The following MX2 variants were observed in gnomAD, a reference collection of about 807,000 sequenced individuals.
MX2 encodes interferon-induced GTP-binding protein Mx2.
In MX2, 51 loss-of-function variants were observed where a neutral mutation model predicts 74.0. The ratio of observed to expected loss-of-function variants is 0.69; its 90% CI spans 0.55 to 0.87. MX2 has a LOEUF of 0.87. Among genes scored for constraint, MX2 ranks in the 40% least tolerant of loss-of-function variants. The pLI is 0.00. For missense variants in MX2, 832 were observed against 908.7 expected, an observed-to-expected ratio of 0.92 and a Z score of 1.09; for synonymous variants, 369 against 339.3, an observed-to-expected ratio of 1.09 and a Z score of -0.96.
chr21:41,396,131 C>T lies in MX2; in HGVS notation c.1070+346C>T, dbSNP rs563942014. On this transcript the variant is annotated intron_variant, in intron 7 of 13. Coordinates refer to ENST00000330714, the MANE Select transcript of MX2 (RefSeq NM_002463.2). ...TTTCCATGGATAAGAATAATGAGGT[C>T]AAACAAATAGTGAATGGGAACAGGA... Among the ~76,000 whole-genome samples, 212 of 152,204 alleles carry T rather than the reference C, an allele frequency of 1.4e-3. 2 individuals carry two copies. Among genetic ancestry groups the T allele is most frequent in the Non-Finnish European group, 2.3e-3 (155 of 68,004 alleles).
chr21:41,404,873 C>CAAAAAAAAAAAAAAAAAAAAAAAAAA (rs547207365), intron 12 of MX2: 1 of 69,090 alleles, frequency 1.4e-5, no homozygotes, highest in Non-Finnish European at 3.4e-5. Context: ...CACATATACT[C>CAAAAAAAAAAAAAAAAAAAAAAAAAA]AAAAAAAAAA....
At position 41,366,497 on chromosome 21, in the gene MX2, G is replaced by A. The variant is rs965353613; in HGVS notation, c.-72+4442G>A. On this transcript the variant is annotated intron_variant, in intron 1 of 13. Coordinates refer to ENST00000330714, the MANE Select transcript of MX2 (RefSeq NM_002463.2). This position sits in a 1 kb window ranked among gnomAD's most constrained non-coding sequence, Gnocchi z 4.5. ...AGTTGGAGACCAGCCTGACCAACAT[G>A]GAGAAACCTCATCTCTACTAAAAAT... 2 of 152,248 alleles carry A rather than the reference G, an allele frequency of 1.3e-5. No homozygotes were observed. Among genetic ancestry groups the A allele is most frequent in the African/African-American group, 4.8e-5 (2 of 41,470 alleles). The allele number at this position is 152,248 out of a possible 1,614,324, so 9.4% of individuals were successfully genotyped here.
intron 5 of MX2, among the ~76,000 whole-genome samples, 154 bp downstream of exon 5, chr21:41,382,718 G>C (rs2089513946): frequency 6.6e-6 from 1 of 152,204 alleles, no homozygotes; most frequent in African/African-American, 2.4e-5. Context: ...TCATGCCCAG[G>C]TTCTGACTTG....
intron 3 of MX2, among the ~76,000 whole-genome samples, chr21:41,379,574 A>C (rs2089460038): frequency 6.7e-6 from 1 of 150,178 alleles, no homozygotes; most frequent in Non-Finnish European, 1.5e-5. Flanking sequence ...GCCATCCCCC[A>C]CCCCCCACAC....
rs2089474537 is a variant in MX2 at position 41,380,464 on chromosome 21, C to G, written c.577+313C>G. On this transcript the variant is annotated intron_variant, in intron 4 of 13. Transcript: ENST00000330714. The surrounding 1 kb of genome is among the most constrained non-coding windows in gnomAD (Gnocchi z 4.3). ...CAGGCTTTCTCTACTCCACAGGGTA[C>G]TCGCCCTCTCTTCCTTCCAGGTTTC... Among the ~76,000 whole-genome samples, 1 of 152,160 alleles carries G rather than the reference C, an allele frequency of 6.6e-6. No individual in the cohort carries two copies. Among genetic ancestry groups the G allele is most frequent in the Admixed American group, 6.5e-5 (1 of 15,282 alleles).
intron 5 of MX2, among the ~76,000 whole-genome samples, chr21:41,389,262 C>A (rs992661033): frequency 4.0e-5 from 6 of 151,636 alleles, no homozygotes; most frequent in Admixed American, 3.3e-4. Flanking sequence ...TGCCTGTAAT[C>A]CCAGCACTTT....
At position 41,388,010 on chromosome 21, in the gene MX2, C is replaced by G. The variant is rs977036995; in HGVS notation, c.733-2555C>G. 6.6e-6 allele frequency among the ~76,000 whole-genome samples: 1 copy of G among 152,138 alleles called. No homozygotes were observed. The highest frequency in any genetic ancestry group is 1.5e-5 in the Non-Finnish European group (1 of 68,030). ...TCTGCTTCAAATAACACACCCAGGC[C>G]CACGTCTCCTCCCACTTCCACCAGC... On this transcript the variant is annotated intron_variant, in intron 5 of 13. Coordinates refer to ENST00000330714, the MANE Select transcript of MX2 (RefSeq NM_002463.2). The surrounding 1 kb of genome is among the most constrained non-coding windows in gnomAD (Gnocchi z 4.0).
chr21:41,394,496 G>A lies in MX2; in HGVS notation c.872-1091G>A, dbSNP rs916519712. Among the ~76,000 whole-genome samples, 12 of 152,136 alleles carry A rather than the reference G, an allele frequency of 7.9e-5. 1 individual carries two copies. Among genetic ancestry groups the A allele is most frequent in the Middle Eastern group, 3.2e-3 (1 of 316 alleles). The stretch of plus-strand genomic sequence containing the variant: ...GCTGCCCACGGTCATTTGCCAGCAC[G>A]TCACTTTATGTTAATTCTCTGCATA... On this transcript the variant is annotated intron_variant, in intron 6 of 13. Transcript: ENST00000330714.
chr21:41,402,317 C>A lies in MX2; in HGVS notation c.1573+189C>A. The A allele has an allele frequency of 1.7e-6, 1 of 601,254 alleles. No homozygotes were observed. The highest frequency in any genetic ancestry group is 2.7e-6 in the Non-Finnish European group (1 of 373,780). 37.2% of individuals were successfully genotyped at this position (601,254 alleles called of 1,614,324 possible). A position where few individuals can be genotyped will look rare whatever the true frequency, so the allele number is the denominator to read the frequency against. On this transcript the variant is annotated intron_variant, in intron 11 of 13. Coordinates refer to ENST00000330714, the MANE Select transcript of MX2 (RefSeq NM_002463.2). This position sits in a 1 kb window ranked among gnomAD's most constrained non-coding sequence, Gnocchi z 4.5. ...GGCAAGGCCTGAGAGCTGGTCAGAG[C>A]TACCGATTCTGCCCTTCTGCCTGAG...
intron 8 of MX2, among the ~76,000 whole-genome samples, chr21:41,398,008 C>A (rs2089758394): frequency 6.6e-6 from 1 of 152,038 alleles, no homozygotes; most frequent in Admixed American, 6.5e-5. Flanking sequence ...TTAATACTTC[C>A]TGGTATAAAA....
At chr21:41,395,522 T>A in intron 6 of MX2, 65 bp from the exon 7 acceptor site, 2 of 1,509,140 alleles carry the variant, frequency 1.3e-6, no homozygotes, top group Non-Finnish European at 1.8e-6. Context: ...CATAGTCCAG[T>A]AGGAGTCAAA....
Position 41,392,924 on chromosome 21 carries a change from G to A in MX2, c.871+2221G>A, listed in dbSNP as rs184601877. The stretch of plus-strand genomic sequence containing the variant: ...GTTCGAGACCACCCTGGCCAACACG[G>A]TGAAACCCCATCTCTACTAAAAATA... On this transcript the variant is annotated intron_variant, in intron 6 of 13. Transcript: ENST00000330714. 2.7e-3 allele frequency among the ~76,000 whole-genome samples: 408 copies of A among 152,064 alleles called. 3 individuals are homozygous for A. Among genetic ancestry groups the A allele is most frequent in the African/African-American group, 9.5e-3 (393 of 41,494 alleles).
In MX2 at chr21:41,366,143, A is replaced by G. The variant is rs1436096471; in HGVS notation, c.-72+4088A>G. 3 of 152,276 alleles carry G rather than the reference A, an allele frequency of 2.0e-5. No homozygotes were observed. Among genetic ancestry groups the G allele is most frequent in the African/African-American group, 7.2e-5 (3 of 41,472 alleles). 9.4% of individuals were successfully genotyped at this position (152,276 alleles called of 1,614,324 possible). ...ATTAGGTAGGTCCAAACAACTCAGT[A>G]ATAGTAGGCTGGGTGGTGTCCAACA... is the stretch of plus-strand genomic sequence containing the variant. On this transcript the variant is annotated intron_variant, in intron 1 of 13. Transcript: ENST00000330714. This position sits in a 1 kb window ranked among gnomAD's most constrained non-coding sequence, Gnocchi z 4.5.
chr21:41,380,202 T>G lies in MX2; in HGVS notation c.577+51T>G, dbSNP rs1218924446. The G allele has an allele frequency of 1.9e-5, 31 of 1,608,426 alleles. No homozygotes were observed. Among genetic ancestry groups the G allele is most frequent in the Non-Finnish European group, 2.6e-5 (31 of 1,176,574 alleles). On this transcript the variant is annotated intron_variant, in intron 4 of 13. Transcript: ENST00000330714. The surrounding 1 kb of genome is among the most constrained non-coding windows in gnomAD (Gnocchi z 4.3). Reference sequence around the variant, plus strand: ...GGATCTGGCAGCCGCTCCTCTCACTTCCTCGGTTCCTTCTCCTCTTCCTCA... The same window carrying G: ...GGATCTGGCAGCCGCTCCTCTCACTGCCTCGGTTCCTTCTCCTCTTCCTCA...
chr21:41,374,968 G>C (rs954867256), intron 1 of MX2, among the ~76,000 whole-genome samples: 2 of 152,178 alleles, frequency 1.3e-5, no homozygotes, highest in African/African-American at 4.8e-5. Flanking sequence ...CCCACATCTT[G>C]CAAGCCTTTT....
intron 10 of MX2, among the ~76,000 whole-genome samples, chr21:41,399,965 G>C (rs2089789562): frequency 3.3e-5 from 5 of 152,182 alleles, no homozygotes; most frequent in Admixed American, 3.3e-4. Flanking sequence ...TGAGTGCCTG[G>C]AGGGAAGCCT....
In MX2 at chr21:41,408,062, C is replaced by G. The variant is rs778045877; in HGVS notation, c.1977C>G (p.Asp659Glu). ...ATTTTATGCTCCGAGAGAATGGTGA[C>G]TCCTTGCAGAAAGCCATGATGCAGA... ...IQYFMLRENG[D>E]SLQKAMMQIL... is the part of the protein sequence containing the mutation. Residue 659 changes from aspartate (D) to glutamate (E), a missense_variant, in exon 14 of 14, where the codon GAC becomes GAG. Transcript: ENST00000330714. The G allele has an allele frequency of 1.2e-6, 2 of 1,614,190 alleles. No individual in the cohort carries two copies. The highest frequency in any genetic ancestry group is 1.7e-5 in the Admixed American group (1 of 60,020).
chr21:41,375,484 C>T (rs2089388683), intron 1 of MX2, among the ~76,000 whole-genome samples: 1 of 152,204 alleles, frequency 6.6e-6, no homozygotes, highest in Non-Finnish European at 1.5e-5. Context: ...TTCTGGAGGC[C>T]CCAGGGGGAA....
chr21:41,402,233 A>G lies in MX2; in HGVS notation c.1573+105A>G, dbSNP rs1049136443. The stretch of plus-strand genomic sequence containing the variant: ...GAATGGAGTTACCAAACCAGCCTGC[A>G]GACACGCTCACTGGTGTGCTAGATT... On this transcript the variant is annotated intron_variant, in intron 11 of 13. Coordinates refer to ENST00000330714, the MANE Select transcript of MX2 (RefSeq NM_002463.2). This position sits in a 1 kb window ranked among gnomAD's most constrained non-coding sequence, Gnocchi z 4.5. The G allele has an allele frequency of 1.5e-6, 2 of 1,324,332 alleles. No homozygotes were observed. The highest frequency in any genetic ancestry group is 2.4e-4 in the Middle Eastern group (1 of 4,212). 82.0% of individuals were successfully genotyped at this position (1,324,332 alleles called of 1,614,324 possible).
Sources: allele counts gnomAD v4.1 joint callset (sites outside exome capture counted in the v4.1 genomes callset), GRCh38; gene constraint gnomAD v4.1.1; non-coding constraint Gnocchi (gnomAD v3.1); transcripts MANE v1.5; gene names NCBI Gene and HGNC (gene_info 2026-07-23, HGNC 2026-07-21).